DENND5A: variants seen among roughly 807,000 people sequenced by gnomAD.
DENND5A encodes DENN domain-containing protein 5A.
In DENND5A, 64 loss-of-function variants were observed where a neutral mutation model predicts 140.3. That is an observed-to-expected ratio of 0.46 (90% confidence interval 0.37 to 0.56). The LOEUF (loss-of-function observed/expected upper bound fraction) is 0.56. Ranked by LOEUF, DENND5A falls within the 20% of genes least tolerant of loss-of-function variation. The probability of loss-of-function intolerance (pLI) is 0.00; values close to 1 mark genes in which losing one functional copy is unlikely to be tolerated. For synonymous variants in DENND5A, 605 were observed against 607.7 expected, an observed-to-expected ratio of 1.00 and a Z score of 0.07; for missense variants, 1,292 against 1,593.8, an observed-to-expected ratio of 0.81 and a Z score of 3.22.
chr11:9,184,222 G>A (rs796923890), intron 5 of DENND5A, among the ~76,000 whole-genome samples: 55 of 151,638 alleles, frequency 3.6e-4, no homozygotes, highest in African/African-American at 1.0e-3. Context: ...GCGTGGTGGC[G>A]GGTGCCTATA....
At chr11:9,175,378 C>T (rs1848514528) in intron 8 of DENND5A, 1 of 151,986 alleles carries the variant, frequency 6.6e-6, no homozygotes, top group Non-Finnish European at 1.5e-5. Context: ...AAAGATATGC[C>T]ATGTTAATGG....
intron 4 of DENND5A, among the ~76,000 whole-genome samples, chr11:9,197,074 G>A (rs1246060365): frequency 6.6e-6 from 1 of 151,620 alleles, no homozygotes; most frequent in Admixed American, 6.6e-5. Context: ...GCAGGCCAAG[G>A]TAGGCGGATC....
chr11:9,226,087 A>G (rs2136242467), intron 1 of DENND5A, among the ~76,000 whole-genome samples: 1 of 152,328 alleles, frequency 6.6e-6, no homozygotes, highest in African/African-American at 2.4e-5. Context: ...CTCAAAAATC[A>G]TCATCATCAT....
In DENND5A at chr11:9,169,865, G is replaced by C; in HGVS notation, c.2142C>G (p.Asp714Glu). Residue 714 changes from aspartate to glutamate, a missense_variant, in exon 10 of 23, where the codon GAC (aspartate) becomes GAG (glutamate). Physicochemically the swap from Asp to Glu is conservative, Grantham distance 45. Around this residue, in one of 4 missense-constraint regions of DENND5A, gnomAD observed 199 missense variants for 189.1 expected, o/e 1.05. Coordinates refer to ENST00000328194, the MANE Select transcript of DENND5A (RefSeq NM_015213.4). The stretch of plus-strand genomic sequence containing the variant: ...TCTTAAGGTATCTTACCTCCCTCTG[G>C]TCATTATCTAAACGCAGGTGTTCTG... ...QHTEHLRLDN[D>E]QREKYIQEAR... The C allele has an allele frequency of 6.2e-7, 1 of 1,605,576 alleles. No individual in the cohort carries two copies. The highest frequency in any genetic ancestry group is 1.1e-5 in the South Asian group (1 of 90,908).
chr11:9,148,678 A>T (rs1847511319), intron 15 of DENND5A, among the ~76,000 whole-genome samples: 1 of 152,224 alleles, frequency 6.6e-6, no homozygotes, highest in South Asian at 2.1e-4. Context: ...CTTTTCAGAG[A>T]GCACAGTGGT....
intron 5 of DENND5A, among the ~76,000 whole-genome samples, chr11:9,192,463 C>T (rs1849164620): frequency 6.6e-6 from 1 of 152,074 alleles, no homozygotes; most frequent in African/African-American, 2.4e-5. Flanking sequence ...CCCGTCTCTA[C>T]TAAAAATACA....
chr11:9,232,891 A>C (rs1341707711), intron 1 of DENND5A, among the ~76,000 whole-genome samples: 1 of 152,234 alleles, frequency 6.6e-6, no homozygotes, highest in Non-Finnish European at 1.5e-5. Flanking sequence ...TACAGCAGTG[A>C]GAACGACCAA....
intron 1 of DENND5A, among the ~76,000 whole-genome samples, chr11:9,220,161 A>G (rs967700131): frequency 1.3e-5 from 2 of 152,248 alleles, no homozygotes; most frequent in Non-Finnish European, 2.9e-5. Context: ...AAAGAACACT[A>G]AAAGCAAAAA....
At chr11:9,244,955 G>A (rs938272434) in intron 1 of DENND5A, among the ~76,000 whole-genome samples, 1 of 151,808 alleles carries the variant, frequency 6.6e-6, no homozygotes, top group Non-Finnish European at 1.5e-5. Flanking sequence ...GGGATTACAG[G>A]CGTGAGCCAC....
intron 11 of DENND5A, among the ~76,000 whole-genome samples, chr11:9,163,827 C>T (rs992600717): frequency 8.1e-4 from 118 of 146,350 alleles, no homozygotes; most frequent in Non-Finnish European, 1.5e-3. Context: ...AAAAGAATGA[C>T]AGTCCAGCAG....
chr11:9,187,009 G>A (rs562541210), intron 5 of DENND5A, among the ~76,000 whole-genome samples: 11 of 152,256 alleles, frequency 7.2e-5, no homozygotes, highest in Admixed American at 2.0e-4. Context: ...GCTTGAACCC[G>A]TGAAGCAGAG....
rs562532205 is a variant in DENND5A at position 9,240,255 on chromosome 11, G to A, written c.109+24706C>T. Reference sequence around the variant, plus strand: ...CTAAAAATACAAAAATTAACCAGGCGTTGTGGTGAGCACCTGTAATCCCAG... The same window carrying A: ...CTAAAAATACAAAAATTAACCAGGCATTGTGGTGAGCACCTGTAATCCCAG... On this transcript the variant is annotated intron_variant, in intron 1 of 22. Coordinates refer to ENST00000328194, the MANE Select transcript of DENND5A (RefSeq NM_015213.4). Among the ~76,000 whole-genome samples, 7 of 152,110 alleles carry A rather than the reference G, an allele frequency of 4.6e-5. No homozygotes were observed. The East Asian group carries it at 7.7e-4, about 17-fold the overall frequency.
chr11:9,142,823 A>T lies in DENND5A; in HGVS notation c.3410T>A (p.Leu1137His). The change falls in exon 21 of 23, where the codon CTC becomes CAC. Residue 1137 changes from leucine to histidine, a missense_variant. Leu to His is a moderately conservative substitution (Grantham distance 99). This residue lies in a region of DENND5A where 498 missense variants were observed against 689.7 expected (regional missense o/e 0.72). Transcript: ENST00000328194. ...CGAGACAAGGCCACACTCTCCACAG[A>T]GCAACAGCGTCAGACTGCCTCGCTA... is the stretch of plus-strand genomic sequence containing the variant. ...EKERGSLTLL[L>H]CGECGLVSAL... 1.2e-6 allele frequency: 2 copies of T among 1,614,192 alleles called. No individual in the cohort carries two copies. The highest frequency in any genetic ancestry group is 1.7e-6 in the Non-Finnish European group (2 of 1,180,020).
At chr11:9,262,520 A>G (rs1852249817) in intron 1 of DENND5A, among the ~76,000 whole-genome samples, 1 of 152,138 alleles carries the variant, frequency 6.6e-6, no homozygotes, top group Admixed American at 6.6e-5. Flanking sequence ...AGAGCACTGG[A>G]CCAAGCAATT....
intron 12 of DENND5A, among the ~76,000 whole-genome samples, chr11:9,153,541 T>C (rs180872385): frequency 6.6e-6 from 1 of 152,226 alleles, no homozygotes; most frequent in African/African-American, 2.4e-5. Flanking sequence ...ATTTTGCTAC[T>C]TGGTGAACTA....
At chr11:9,185,949 G>T (rs1055499441) in intron 5 of DENND5A, among the ~76,000 whole-genome samples, 2 of 151,960 alleles carry the variant, frequency 1.3e-5, no homozygotes, top group African/African-American at 4.8e-5. Flanking sequence ...TGTCTGTATT[G>T]TCTCTGTGTC....
rs1590243505 is a variant in DENND5A at position 9,182,965 on chromosome 11, A to ACCATTTGATCATTACATACACCC, written c.1138-1904_1138-1882dup. Among the ~76,000 whole-genome samples the ACCATTTGATCATTACATACACCC allele has an allele frequency of 2.6e-5, 4 of 152,328 alleles. No homozygotes were observed. In the East Asian group the frequency reaches 7.7e-4, roughly 29 times the overall value. The stretch of plus-strand genomic sequence containing the variant: ...GTTTGAGATGATGGATATGCTAATT[A>ACCATTTGATCATTACATACACCC]CCATTTGATCATTACATACACCCCC... On this transcript the variant is annotated intron_variant, in intron 5 of 22. Transcript: ENST00000328194.
chr11:9,153,959 C>T (rs542124736), intron 12 of DENND5A, among the ~76,000 whole-genome samples: 14 of 152,330 alleles, frequency 9.2e-5, no homozygotes, highest in African/African-American at 2.9e-4. Flanking sequence ...TTCTAATCAT[C>T]GTTCAGTACA....
At chr11:9,214,868 C>T (rs914896003) in intron 1 of DENND5A, among the ~76,000 whole-genome samples, 21 of 152,270 alleles carry the variant, frequency 1.4e-4, no homozygotes, top group Admixed American at 8.5e-4. Flanking sequence ...GGATTACAGG[C>T]GCCTGCCATC....
Sources: allele counts gnomAD v4.1 joint callset (sites outside exome capture counted in the v4.1 genomes callset), GRCh38; gene constraint gnomAD v4.1.1; regional missense constraint gnomAD v4.1.1; transcripts MANE v1.5; gene names NCBI Gene and HGNC (gene_info 2026-07-23, HGNC 2026-07-21).